Variants in MPP2 observed in about 807,000 individuals in gnomAD.
MPP2 encodes the protein MAGUK p55 subfamily member 2.
Under a neutral mutation model 58.5 loss-of-function variants are expected in MPP2, and 42 were observed. The ratio of observed to expected loss-of-function variants is 0.72; its 90% CI spans 0.56 to 0.93. The LOEUF is 0.93. MPP2 is among the 40% of genes least tolerant of loss of function. The pLI is 0.00. For missense variants in MPP2, 632 were observed against 760.4 expected, an observed-to-expected ratio of 0.83 and a Z score of 1.99; for synonymous variants, 300 against 307.8, an observed-to-expected ratio of 0.97 and a Z score of 0.26.
intron 2 of MPP2, among the ~76,000 whole-genome samples, chr17:43,901,726 G>C (rs1273575727): frequency 1.3e-5 from 2 of 152,176 alleles, no homozygotes; most frequent in African/African-American, 4.8e-5. Context: ...AGGGAGCAAG[G>C]CTGCAGGTCA....
At chr17:43,907,052 C>T (rs562016034) in intron 1 of MPP2, 52 of 499,828 alleles carry the variant, frequency 1.0e-4, no homozygotes, top group Non-Finnish European at 1.3e-4. Flanking sequence ...CCTAGGGGGA[C>T]CAGGGGGCCA....
chr17:43,898,004 C>T (rs181794343), intron 3 of MPP2, among the ~76,000 whole-genome samples: 1 of 152,324 alleles, frequency 6.6e-6, no homozygotes, highest in East Asian at 1.9e-4. Context: ...CATGCTAGCC[C>T]GCACCAATCA....
At chr17:43,896,005 A>G (rs1161774834) in intron 3 of MPP2, among the ~76,000 whole-genome samples, 2 of 152,086 alleles carry the variant, frequency 1.3e-5, no homozygotes, top group Non-Finnish European at 2.9e-5. Context: ...ATAGGCTACA[A>G]TCCAAGGACA....
At chr17:43,889,360 C>CTTT (rs397748293) in intron 3 of MPP2, among the ~76,000 whole-genome samples, 10 of 135,158 alleles carry the variant, frequency 7.4e-5, no homozygotes, top group East Asian at 2.2e-4. Context: ...AAATCACCAT[C>CTTT]TTTTTTTTTT....
At chr17:43,900,889 C>T (rs1043524056) in intron 2 of MPP2, among the ~76,000 whole-genome samples, 1 of 152,256 alleles carries the variant, frequency 6.6e-6, no homozygotes, top group South Asian at 2.1e-4. Flanking sequence ...AGGCATGCTG[C>T]CCCTTCAAGA....
At chr17:43,895,959 C>G (rs536020318) in intron 3 of MPP2, among the ~76,000 whole-genome samples, 1 of 152,326 alleles carries the variant, frequency 6.6e-6, no homozygotes, top group African/African-American at 2.4e-5. Context: ...TGTTAACAAT[C>G]TTCCCAAGTC....
chr17:43,900,419 G>T, intron 2 of MPP2: 1 of 1,537,642 alleles, frequency 6.5e-7, no homozygotes, highest in Non-Finnish European at 8.8e-7. Context: ...GCTGGAGGAA[G>T]GTAGGCTAAG....
At chr17:43,900,482 A>G in intron 2 of MPP2, 2 of 1,517,216 alleles carry the variant, frequency 1.3e-6, no homozygotes, top group Non-Finnish European at 1.8e-6. Context: ...TTCCCTCTGG[A>G]GCTCCGCTTC....
At chr17:43,899,245 T>C (rs931088722) in intron 2 of MPP2, among the ~76,000 whole-genome samples, 1 of 59,770 alleles carries the variant, frequency 1.7e-5, no homozygotes, top group Non-Finnish European at 4.3e-5. Flanking sequence ...AGACTCCGTC[T>C]CAAAAAAAAA....
intron 3 of MPP2, among the ~76,000 whole-genome samples, chr17:43,894,215 G>A (rs1362691294): frequency 6.6e-6 from 1 of 151,388 alleles, no homozygotes; most frequent in Non-Finnish European, 1.5e-5. Flanking sequence ...TCAAGAGATC[G>A]AGACCATCCT....
At chr17:43,907,615 T>G (rs1410025821), upstream of MPP2, 1 of 983,494 alleles carries the variant, frequency 1.0e-6, no homozygotes, top group African/African-American at 1.8e-5. Flanking sequence ...AGAGGGGAGG[T>G]GAGGAGAACG....
At position 43,881,087 on chromosome 17, in the gene MPP2, C is replaced by T; in HGVS notation, c.988+3G>A. ...GTAAGGGAGGGGGCGCTCTGATACC[C>T]ACCTGCATTCTTGGTGGTCAAATAC... On this transcript the variant is annotated splice_donor_region_variant and intron_variant, in intron 9 of 12. Transcript: ENST00000269095. 6.2e-7 allele frequency: 1 copy of T among 1,613,874 alleles called. No individual in the cohort carries two copies.
At chr17:43,900,631 G>A (rs1164474570) in intron 2 of MPP2, 2 of 1,450,780 alleles carry the variant, frequency 1.4e-6, no homozygotes, top group African/African-American at 1.4e-5. Context: ...GCCTGGCCGG[G>A]CTGGGGAAGG....
At chr17:43,898,584 C>T (rs2047953717) in intron 2 of MPP2, among the ~76,000 whole-genome samples, 1 of 152,088 alleles carries the variant, frequency 6.6e-6, no homozygotes, top group African/African-American at 2.4e-5. Flanking sequence ...GGACAATTTC[C>T]TTGGCCTGTT....
intron 3 of MPP2, among the ~76,000 whole-genome samples, chr17:43,895,988 A>T (rs897480397): frequency 6.6e-6 from 1 of 152,186 alleles, no homozygotes; most frequent in Admixed American, 6.6e-5. Context: ...TTCCACAGAT[A>T]ATGTGAATAG....
At chr17:43,892,442 G>C (rs77707420) in intron 3 of MPP2, among the ~76,000 whole-genome samples, 230 of 152,342 alleles carry the variant, frequency 1.5e-3, no homozygotes, top group African/African-American at 5.3e-3. Flanking sequence ...AGGTCCCATT[G>C]TCCAATGCAG....
rs1378926100 is a variant in MPP2, at chr17:43,879,773, T to C, written c.1353+9A>G. 1 of 1,612,416 alleles carries C rather than the reference T, an allele frequency of 6.2e-7. No homozygotes were observed. The highest frequency in any genetic ancestry group is 2.2e-5 in the East Asian group (1 of 44,830). On this transcript the variant is annotated intron_variant, in intron 11 of 12. Transcript: ENST00000269095. This position sits in a 1 kb window ranked among gnomAD's most constrained non-coding sequence, Gnocchi z 4.1. ...TTGGGCAGGCTGGGAAGGAGCAGAGTGGCGGTACCTGGGGGTTGACATCCA... is the reference window on the plus strand; with the variant it reads ...TTGGGCAGGCTGGGAAGGAGCAGAGCGGCGGTACCTGGGGGTTGACATCCA...
At chr17:43,894,349 G>A (rs1283543765) in intron 3 of MPP2, among the ~76,000 whole-genome samples, 3 of 149,394 alleles carry the variant, frequency 2.0e-5, no homozygotes, top group African/African-American at 7.3e-5. Flanking sequence ...CCCAGGAGGC[G>A]GAGGTTGCAG....
Position 43,880,978 on chromosome 17 carries a change from A to AC in MPP2, c.988+111dup. 1 of 1,524,862 alleles carries AC rather than the reference A, an allele frequency of 6.6e-7. No homozygotes were observed. The highest frequency in any genetic ancestry group is 9.0e-7 in the Non-Finnish European group (1 of 1,110,240). The allele number at this position is 1,524,862 out of a possible 1,614,324, so 94.5% of individuals were successfully genotyped here. A position where few individuals can be genotyped will look rare whatever the true frequency, so the allele number is the denominator to read the frequency against. On this transcript the variant is annotated intron_variant, in intron 9 of 12. Coordinates refer to ENST00000269095, the MANE Select transcript of MPP2 (RefSeq NM_005374.5). This position sits in a 1 kb window ranked among gnomAD's most constrained non-coding sequence, Gnocchi z 5.2. ...GGGGGGAGTCGGGCAGGGCCTAGGG[A>AC]CACGGCTGGCAGCATCTGAGCCAGG...
Sources: allele counts gnomAD v4.1 joint callset (sites outside exome capture counted in the v4.1 genomes callset), GRCh38; gene constraint gnomAD v4.1.1; non-coding constraint Gnocchi (gnomAD v3.1); transcripts MANE v1.5; gene names NCBI Gene and HGNC (gene_info 2026-07-23, HGNC 2026-07-21).